The following TRIM2 variants were observed in gnomAD, a reference collection of about 807,000 sequenced individuals.
TRIM2 encodes the protein tripartite motif containing 2.
A neutral mutation model predicts 75.2 loss-of-function variants in TRIM2; 20 were observed. The observed-to-expected ratio is 0.27, with a 90% CI of 0.19 to 0.39. The LOEUF (loss-of-function observed/expected upper bound fraction) is 0.39, where lower values mean the gene tolerates loss of function less well. TRIM2 is among the 10% of genes least tolerant of loss of function. TRIM2 has a pLI of 1.00. For missense variants in TRIM2, 660 were observed against 990.8 expected, an observed-to-expected ratio of 0.67 and a Z score of 4.48; for synonymous variants, 373 against 388.3, an observed-to-expected ratio of 0.96 and a Z score of 0.46.
chr4:153,300,839 G>C (rs1199202121), intron 6 of TRIM2, among the ~76,000 whole-genome samples: 1 of 150,754 alleles, frequency 6.6e-6, no homozygotes, highest in Non-Finnish European at 1.5e-5. Context: ...GTCTTCTTTT[G>C]ATAAATGTCT....
chr4:153,300,325 G>A (rs927873200), intron 6 of TRIM2, among the ~76,000 whole-genome samples: 6 of 151,482 alleles, frequency 4.0e-5, no homozygotes, highest in Admixed American at 2.0e-4. Flanking sequence ...ATCATGGCTC[G>A]TTTCCCCAGG....
At chr4:153,276,398 C>A in intron 3 of TRIM2, 1 of 530,790 alleles carries the variant, frequency 1.9e-6, no homozygotes, top group Non-Finnish European at 3.3e-6. Flanking sequence ...GCAAGCTGAC[C>A]TACATAAACA....
chr4:153,313,912 C>G (rs1452695947), intron 6 of TRIM2, among the ~76,000 whole-genome samples: 1 of 152,104 alleles, frequency 6.6e-6, no homozygotes, highest in East Asian at 1.9e-4. Flanking sequence ...GCTGGGATTA[C>G]AGGCATGAGC....
chr4:153,327,215 G>A (rs1256673702), intron 10 of TRIM2, among the ~76,000 whole-genome samples: 1 of 152,152 alleles, frequency 6.6e-6, no homozygotes, highest in Non-Finnish European at 1.5e-5. Flanking sequence ...GAACCACAAA[G>A]GTGGCTTGCT....
intron 1 of TRIM2, among the ~76,000 whole-genome samples, chr4:153,192,602 CAAA>C (rs35750080): frequency 0.072 from 7,666 of 106,474 alleles, 244 homozygotes; most frequent in African/African-American, 0.1. Flanking sequence ...GACCCTATCT[CAAA>C]AAAAAAAAAA....
rs967539613 is a variant in TRIM2, at chr4:153,334,733, A to G, written c.2164-81A>G. On this transcript the variant is annotated intron_variant, in intron 11 of 11. Coordinates refer to ENST00000338700, the MANE Select transcript of TRIM2 (RefSeq NM_015271.5). The stretch of plus-strand genomic sequence containing the variant: ...AGAAAGAAAGAAACAGAAAAACATT[A>G]GCATCAAGAGTTTTCTAACCCATGT... 3.2e-6 allele frequency: 4 copies of G among 1,261,252 alleles called. No homozygotes were observed. In the African/African-American group the frequency reaches 6.0e-5, roughly 19 times the overall value. 78.1% of individuals were successfully genotyped at this position (1,261,252 alleles called of 1,614,324 possible).
chr4:153,273,838 T>C (rs1757444858), intron 2 of TRIM2, among the ~76,000 whole-genome samples: 1 of 152,188 alleles, frequency 6.6e-6, no homozygotes, highest in African/African-American at 2.4e-5. Context: ...GCAGAAGTGA[T>C]GATTACGCAG....
intron 1 of TRIM2, among the ~76,000 whole-genome samples, chr4:153,173,839 C>T (rs549525434): frequency 8.5e-4 from 129 of 151,816 alleles, no homozygotes; most frequent in African/African-American, 2.9e-3. Flanking sequence ...TGGTGGCACA[C>T]GCCTGTGGTC....
chr4:153,289,834 T>C (rs1485727834), intron 3 of TRIM2, among the ~76,000 whole-genome samples: 1 of 152,212 alleles, frequency 6.6e-6, no homozygotes, highest in African/African-American at 2.4e-5. Flanking sequence ...TGCCATTGGA[T>C]TGACTAAGCA....
intron 1 of TRIM2, among the ~76,000 whole-genome samples, chr4:153,188,174 C>T (rs961932850): frequency 1.4e-4 from 22 of 152,242 alleles, no homozygotes; most frequent in Admixed American, 3.9e-4. Context: ...CTTGTAAGAG[C>T]GAGGGCCAGG....
upstream of TRIM2, among the ~76,000 whole-genome samples, chr4:153,203,700 T>C (rs370085129): frequency 5.9e-5 from 9 of 152,110 alleles, no homozygotes; most frequent in East Asian, 1.7e-3. Context: ...AAGACCCACC[T>C]GGCCAACATG....
chr4:153,270,414 G>A lies in TRIM2; in HGVS notation c.110G>A (p.Ser37Asn), dbSNP rs1311672657. 3 of 1,614,072 alleles carry A rather than the reference G, an allele frequency of 1.9e-6. No individual in the cohort carries two copies. The highest frequency in any genetic ancestry group is 2.5e-6 in the Non-Finnish European group (3 of 1,179,992). The change falls in exon 2 of 12, where the codon AGT (serine) becomes AAT (asparagine). Residue 37 changes from serine (S) to asparagine (N), a missense_variant. Transcript: ENST00000338700. The stretch of plus-strand genomic sequence containing the variant: ...GCCAGTGAAGGCACCAACATCCCAA[G>A]TCCTGTGGTGCGCCAGATTGACAAG... ...RMASEGTNIP[S>N]PVVRQIDKQF...
Position 153,335,842 on chromosome 4 carries a change from A to T in TRIM2, c.*876A>T. 2.0e-6 allele frequency: 2 copies of T among 985,808 alleles called. No individual in the cohort carries two copies. The highest frequency in any genetic ancestry group is 2.4e-6 in the Non-Finnish European group (2 of 829,920). The allele number at this position is 985,808 out of a possible 1,614,324, so 61.1% of individuals were successfully genotyped here. Reference sequence around the variant, plus strand: ...TGTCTCTTCTCTTCGACTTCCTGAAAGCGAAAGCTTTACCTCCTGCAAATG... The same window carrying T: ...TGTCTCTTCTCTTCGACTTCCTGAATGCGAAAGCTTTACCTCCTGCAAATG... On this transcript the variant is annotated 3_prime_UTR_variant, in exon 12 of 12. Transcript: ENST00000338700.
At chr4:153,262,681 G>T (rs1219307014) in intron 1 of TRIM2, among the ~76,000 whole-genome samples, 1 of 152,144 alleles carries the variant, frequency 6.6e-6, no homozygotes, top group African/African-American at 2.4e-5. Flanking sequence ...TGATTTGTTA[G>T]TTTTATAAAG....
At chr4:153,159,807 A>C (rs1385364568) in intron 1 of TRIM2, among the ~76,000 whole-genome samples, 3 of 152,234 alleles carry the variant, frequency 2.0e-5, no homozygotes, top group African/African-American at 7.2e-5. Flanking sequence ...GCCTTTCTGA[A>C]GAGCTAACAG....
In TRIM2 at chr4:153,338,131, G is replaced by GC; in HGVS notation, c.*3166dup. 1.0e-6 allele frequency: 1 copy of GC among 985,812 alleles called. No homozygotes were observed. The highest frequency in any genetic ancestry group is 1.2e-6 in the Non-Finnish European group (1 of 829,936). 61.1% of individuals were successfully genotyped at this position (985,812 alleles called of 1,614,324 possible). On this transcript the variant is annotated 3_prime_UTR_variant, in exon 12 of 12. Coordinates refer to ENST00000338700, the MANE Select transcript of TRIM2 (RefSeq NM_015271.5). ...AGATCCATGCAGCTAGAACACACTT[G>GC]CTTCCACTACTAAATATACAGGGTA...
Position 153,322,806 on chromosome 4 carries a change from G to A in TRIM2, c.1941G>A (p.Arg647=), listed in dbSNP as rs755213272. ...TRFGSRGNGD[R]QFAGPHFAAV... ...TTGGTAGCCGAGGAAATGGGGACAG[G>A]CAGTTTGCAGGTACACTCGATGGTA... Residue 647 remains arginine (R), a synonymous_variant, in exon 9 of 12, where the codon AGG becomes AGA. Transcript: ENST00000338700. 1 of 1,614,158 alleles carries A rather than the reference G, an allele frequency of 6.2e-7. No homozygotes were observed. Among genetic ancestry groups the A allele is most frequent in the Non-Finnish European group, 8.5e-7 (1 of 1,180,034 alleles).
chr4:153,262,756 A>C (rs190402219), intron 1 of TRIM2, among the ~76,000 whole-genome samples: 14 of 152,256 alleles, frequency 9.2e-5, no homozygotes, highest in Admixed American at 7.2e-4. Flanking sequence ...TCCTGTTTTA[A>C]AGTTAAACTA....
intron 1 of TRIM2, among the ~76,000 whole-genome samples, chr4:153,267,912 G>A (rs1019559132): frequency 1.3e-5 from 2 of 152,222 alleles, no homozygotes; most frequent in Non-Finnish European, 2.9e-5. Context: ...AGAGCCAGCT[G>A]TGCAGGAGAC....
Sources: gnomAD v4.1 joint callset for allele counts (sites outside exome capture counted in the v4.1 genomes callset) on GRCh38, gnomAD v4.1.1 for gene constraint, MANE v1.5 for transcripts, NCBI Gene and HGNC (gene_info 2026-07-23, HGNC 2026-07-21) for gene names.